MBP: variants seen among roughly 807,000 people sequenced by gnomAD.
The protein encoded by MBP is Golli-MBP.
Under a neutral mutation model 35.8 loss-of-function variants are expected in MBP, and 16 were observed. The ratio of observed to expected loss-of-function variants is 0.45; its 90% CI spans 0.30 to 0.68. The LOEUF (loss-of-function observed/expected upper bound fraction) is 0.68. Among genes scored for constraint, MBP ranks in the 30% least tolerant of loss-of-function variants. The pLI, the probability that MBP is intolerant of heterozygous loss-of-function variation, is 0.08. For synonymous variants in MBP, 143 were observed against 159.6 expected (o/e 0.90, Z 0.78); for missense variants, 380 against 404.7 (o/e 0.94, Z 0.52).
chr18:77,083,118 G>A (rs1008971380), intron 2 of MBP, among the ~76,000 whole-genome samples: 1 of 152,006 alleles, frequency 6.6e-6, no homozygotes, highest in African/African-American at 2.4e-5. Context: ...GGACCACCAT[G>A]CCCTGCTAAG....
intron 2 of MBP, among the ~76,000 whole-genome samples, chr18:77,103,332 T>C (rs779610793): frequency 1.4e-4 from 21 of 152,210 alleles, no homozygotes; most frequent in Non-Finnish European, 2.9e-4. Context: ...TTCTAAAGCA[T>C]CTGGGTGTAA....
Position 77,091,609 on chromosome 18 carries a change from ACC to A in MBP, c.51+13600_51+13601del, listed in dbSNP as rs1447160737. On this transcript the variant is annotated intron_variant, in intron 2 of 8. Transcript: ENST00000355994. ...AAACCACACACACACACACACACAC[ACC>A]CACCCACCCACACCCCTATACAGGT... Among the ~76,000 whole-genome samples the A allele has an allele frequency of 4.3e-3, 571 of 132,636 alleles. 4 individuals are homozygous for A. Among genetic ancestry groups the A allele is most frequent in the Middle Eastern group, 0.02 (5 of 252 alleles). 87.0% of individuals were successfully genotyped at this position (132,636 alleles called of 152,430 possible).
intron 1 of MBP, among the ~76,000 whole-genome samples, chr18:77,110,971 G>T (rs971790441): frequency 6.6e-6 from 1 of 152,048 alleles, no homozygotes; most frequent in Admixed American, 6.5e-5. Flanking sequence ...CAATGTTTTC[G>T]ACATCCCAGG....
intron 3 of MBP, among the ~76,000 whole-genome samples, chr18:77,040,875 G>A (rs1466865141): frequency 6.6e-6 from 1 of 152,192 alleles, no homozygotes; most frequent in Non-Finnish European, 1.5e-5. Context: ...GCATGGGCAA[G>A]GACTTCATGT....
chr18:77,071,540 T>C (rs1165788714), intron 2 of MBP, among the ~76,000 whole-genome samples: 1 of 152,218 alleles, frequency 6.6e-6, no homozygotes, highest in Non-Finnish European at 1.5e-5. Context: ...GAAGGGTCTT[T>C]ACTGACCCAA....
rs1459745595 is a variant in MBP at position 76,979,881 on chromosome 18, C to T, written c.*546G>A. 2.9e-6 allele frequency: 2 copies of T among 692,174 alleles called. No homozygotes were observed. Among genetic ancestry groups the T allele is most frequent in the Non-Finnish European group, 5.3e-6 (2 of 380,618 alleles). 42.9% of individuals were successfully genotyped at this position (692,174 alleles called of 1,614,324 possible). ...CCGCATGTCACATACCAAAAGCTCC[C>T]ACATGTAGTAAGCCACTCCTTGACT... On this transcript the variant is annotated 3_prime_UTR_variant, in exon 9 of 9. Coordinates refer to ENST00000355994, the MANE Select transcript of MBP (RefSeq NM_001025101.2).
At chr18:77,122,371 G>T (rs754119217) in intron 1 of MBP, among the ~76,000 whole-genome samples, 1 of 152,124 alleles carries the variant, frequency 6.6e-6, no homozygotes, top group Non-Finnish European at 1.5e-5. Context: ...AGTGGACTAC[G>T]CCAATGATGA....
chr18:77,083,583 CA>C (rs1463476634), intron 2 of MBP, among the ~76,000 whole-genome samples: 6 of 152,100 alleles, frequency 3.9e-5, no homozygotes, highest in Non-Finnish European at 8.8e-5. Context: ...AGTATAAACA[CA>C]AACATCTACC....
At chr18:77,128,871 AAC>A (rs1977146664) in intron 1 of MBP, among the ~76,000 whole-genome samples, 1 of 152,182 alleles carries the variant, frequency 6.6e-6, no homozygotes, top group Non-Finnish European at 1.5e-5. Flanking sequence ...ATTATTCTCT[AAC>A]ATCTTTGTTC....
intron 2 of MBP, among the ~76,000 whole-genome samples, chr18:77,104,330 G>A (rs1184424732): frequency 6.6e-6 from 1 of 152,228 alleles, no homozygotes; most frequent in African/African-American, 2.4e-5. Flanking sequence ...ACCCTGGCAG[G>A]TCTGAAGTCT....
At chr18:77,014,976 G>C in intron 4 of MBP, 2 of 984,906 alleles carry the variant, frequency 2.0e-6, no homozygotes, top group Non-Finnish European at 2.4e-6. Flanking sequence ...ATGGGTCCTT[G>C]ATAATTGGCC....
intron 4 of MBP, chr18:77,016,348 T>G: frequency 3.0e-6 from 3 of 988,856 alleles, no homozygotes; most frequent in Non-Finnish European, 3.6e-6. Context: ...AGGAGTTTGT[T>G]CAAAAGTCTT....
At chr18:77,016,198 T>G (rs1328329582) in intron 4 of MBP, 1 of 984,204 alleles carries the variant, frequency 1.0e-6, no homozygotes, top group Non-Finnish European at 1.2e-6. Context: ...TGCTTTTGAA[T>G]AAAGAAACTT....
At chr18:77,050,385 T>C (rs1973440439) in intron 3 of MBP, among the ~76,000 whole-genome samples, 1 of 152,244 alleles carries the variant, frequency 6.6e-6, no homozygotes, top group African/African-American at 2.4e-5. Context: ...AACAGCTTGC[T>C]ATTTATATTT....
At chr18:77,124,440 A>C in intron 1 of MBP, among the ~76,000 whole-genome samples, 3 of 140,462 alleles carry the variant, frequency 2.1e-5, no homozygotes, top group Non-Finnish European at 3.1e-5. Flanking sequence ...CACGCCTCCC[A>C]CCCCCCACCC....
Position 77,074,088 on chromosome 18 carries a change from G to GA in MBP, c.52-7704dup, listed in dbSNP as rs57395992. Among the ~76,000 whole-genome samples, 504 of 152,344 alleles carry GA rather than the reference G, an allele frequency of 3.3e-3. 3 individuals are homozygous for GA. The highest frequency in any genetic ancestry group is 0.011 in the African/African-American group (478 of 41,578). Reference sequence around the variant, plus strand: ...GACTGAAACCTTGGGCAAATGCACAGAAAGGGTTGCTTCTGATCTGAACAC... The same window carrying GA: ...GACTGAAACCTTGGGCAAATGCACAGAAAAGGGTTGCTTCTGATCTGAACAC... On this transcript the variant is annotated intron_variant, in intron 2 of 8. Transcript: ENST00000355994.
chr18:77,059,477 AATT>A, intron 3 of MBP, among the ~76,000 whole-genome samples: 1 of 57,420 alleles, frequency 1.7e-5, no homozygotes, highest in Non-Finnish European at 2.9e-5. Flanking sequence ...AGTAGTCACT[AATT>A]ATTTATAATT....
At chr18:77,006,651 G>C (rs544462318) in intron 4 of MBP, 2 of 152,440 alleles carry the variant, frequency 1.3e-5, no homozygotes, top group African/African-American at 4.8e-5. Flanking sequence ...CTCGCATGTC[G>C]CAATATTCCC....
chr18:76,982,686 T>C (rs1969276436), intron 8 of MBP: 3 of 152,202 alleles, frequency 2.0e-5, no homozygotes, highest in Non-Finnish European at 4.4e-5. Flanking sequence ...TTAAATGCTA[T>C]GAAGTCCCTG....
Sources: gnomAD v4.1 joint callset for allele counts (sites outside exome capture counted in the v4.1 genomes callset) on GRCh38, gnomAD v4.1.1 for gene constraint, MANE v1.5 for transcripts, NCBI Gene and HGNC (gene_info 2026-07-23, HGNC 2026-07-21) for gene names.